CADM1: variants seen among roughly 807,000 people sequenced by gnomAD.
CADM1 encodes the protein cell adhesion molecule 1.
A neutral mutation model predicts 53.1 loss-of-function variants in CADM1; 15 were observed. That is an observed-to-expected ratio of 0.28 (90% CI 0.19 to 0.44). The LOEUF (loss-of-function observed/expected upper bound fraction) is 0.44, where lower values mean the gene tolerates loss of function less well. Ranked by LOEUF, CADM1 falls within the 20% of genes least tolerant of loss-of-function variation. CADM1 has a pLI of 1.00. For synonymous variants in CADM1, 281 were observed against 243.0 expected (o/e 1.16, Z -1.45); for missense variants, 434 against 611.3 (o/e 0.71, Z 3.06).
At chr11:115,483,580 A>G (rs553629483) in intron 1 of CADM1, among the ~76,000 whole-genome samples, 11 of 152,322 alleles carry the variant, frequency 7.2e-5, no homozygotes, top group African/African-American at 2.2e-4. Context: ...AAAAATTCAC[A>G]AGCCCACAAT....
chr11:115,427,745 A>G (rs1947927589), intron 1 of CADM1, among the ~76,000 whole-genome samples: 1 of 152,136 alleles, frequency 6.6e-6, no homozygotes, highest in East Asian at 1.9e-4. Flanking sequence ...ACGGTGGCTC[A>G]CGCCTGTAAT....
intron 1 of CADM1, among the ~76,000 whole-genome samples, chr11:115,342,759 G>C (rs1160910784): frequency 1.3e-5 from 2 of 151,836 alleles, no homozygotes; most frequent in Non-Finnish European, 2.9e-5. Context: ...ACCACAGTTA[G>C]TTTCATTTCT....
chr11:115,183,335 T>G (rs1185926448), intron 10 of CADM1, among the ~76,000 whole-genome samples: 2 of 152,226 alleles, frequency 1.3e-5, no homozygotes, highest in Admixed American at 6.5e-5. Flanking sequence ...TATGGCTACT[T>G]TACCACCTGG....
chr11:115,186,723 G>A (rs1939572742), intron 10 of CADM1, among the ~76,000 whole-genome samples: 1 of 152,070 alleles, frequency 6.6e-6, no homozygotes, highest in Non-Finnish European at 1.5e-5. Context: ...CATCTATCTG[G>A]GTCTTCCTGT....
At chr11:115,274,378 T>C (rs536438731) in intron 1 of CADM1, among the ~76,000 whole-genome samples, 12 of 152,244 alleles carry the variant, frequency 7.9e-5, no homozygotes, top group African/African-American at 2.7e-4. Flanking sequence ...CATTTCACTA[T>C]CCCCATCAAT....
chr11:115,273,152 A>C (rs1189436897), intron 1 of CADM1, among the ~76,000 whole-genome samples: 2 of 152,196 alleles, frequency 1.3e-5, no homozygotes, highest in African/African-American at 4.8e-5. Context: ...TGACATGAAG[A>C]CTAAGAATAA....
At chr11:115,445,865 A>C (rs1378487800) in intron 1 of CADM1, 39 of 405,296 alleles carry the variant, frequency 9.6e-5, no homozygotes, top group Non-Finnish European at 1.7e-4. Context: ...CGAGAGAGAG[A>C]GGTAATACAA....
At chr11:115,354,564 A>T (rs1333916327) in intron 1 of CADM1, among the ~76,000 whole-genome samples, 1 of 152,192 alleles carries the variant, frequency 6.6e-6, no homozygotes, top group Non-Finnish European at 1.5e-5. Context: ...CCCTGATGGG[A>T]GCATTGGAGA....
chr11:115,300,363 G>T (rs1944187420), intron 1 of CADM1, among the ~76,000 whole-genome samples: 1 of 152,100 alleles, frequency 6.6e-6, no homozygotes, highest in Non-Finnish European at 1.5e-5. Context: ...TTTAAAAACA[G>T]ATCCCATCAT....
chr11:115,355,630 AAG>A (rs974282488), intron 1 of CADM1, among the ~76,000 whole-genome samples: 4 of 152,220 alleles, frequency 2.6e-5, no homozygotes, highest in South Asian at 2.1e-4. Context: ...AGGTATAAAA[AAG>A]AGAGAGAGAT....
chr11:115,244,936 C>T (rs1565321360), intron 1 of CADM1, among the ~76,000 whole-genome samples: 1 of 152,234 alleles, frequency 6.6e-6, no homozygotes, highest in East Asian at 1.9e-4. Flanking sequence ...TGCATGGCGG[C>T]CTTTTGCCAG....
intron 1 of CADM1, among the ~76,000 whole-genome samples, chr11:115,276,662 A>G (rs1943454341): frequency 6.6e-6 from 1 of 152,228 alleles, no homozygotes; most frequent in African/African-American, 2.4e-5. Flanking sequence ...GTCTTATACA[A>G]TTAAGTTTCC....
intron 1 of CADM1, among the ~76,000 whole-genome samples, chr11:115,386,693 T>C (rs1946706695): frequency 9.6e-6 from 1 of 104,292 alleles, no homozygotes; most frequent in Admixed American, 1.1e-4. Flanking sequence ...ATGAATAGAT[T>C]AATCAATTCA....
chr11:115,218,252 T>G, intron 5 of CADM1: 1 of 453,236 alleles, frequency 2.2e-6, no homozygotes, highest in Non-Finnish European at 4.1e-6. Flanking sequence ...AAATACATTT[T>G]GTTACACTGA....
At chr11:115,413,606 C>A (rs1947511387) in intron 1 of CADM1, among the ~76,000 whole-genome samples, 2 of 146,050 alleles carry the variant, frequency 1.4e-5, no homozygotes, top group Admixed American at 1.4e-4. Context: ...AGGGTGAAGA[C>A]AGGACAAAAT....
At chr11:115,286,885 AGT>A (rs1943742923) in intron 1 of CADM1, among the ~76,000 whole-genome samples, 1 of 152,354 alleles carries the variant, frequency 6.6e-6, no homozygotes, top group African/African-American at 2.4e-5. Context: ...ACAGAAGGAA[AGT>A]GCATTTCAAG....
chr11:115,336,766 G>A (rs898562786), intron 1 of CADM1, among the ~76,000 whole-genome samples: 20 of 152,044 alleles, frequency 1.3e-4, no homozygotes, highest in African/African-American at 4.6e-4. Context: ...AAATAAGTAT[G>A]AGTGTTTTTC....
intron 1 of CADM1, among the ~76,000 whole-genome samples, chr11:115,491,675 A>G (rs1225506141): frequency 6.6e-6 from 1 of 152,238 alleles, no homozygotes; most frequent in Non-Finnish European, 1.5e-5. Flanking sequence ...AACCAACCCA[A>G]ACTTGGAATA....
At chr11:115,309,953 CTGT>C (rs755290989) in intron 1 of CADM1, among the ~76,000 whole-genome samples, 4 of 152,116 alleles carry the variant, frequency 2.6e-5, no homozygotes, top group Non-Finnish European at 4.4e-5. Flanking sequence ...GCTGGGTTTA[CTGT>C]TGTTCTTTAG....
Sources: allele counts gnomAD v4.1 joint callset (sites outside exome capture counted in the v4.1 genomes callset), GRCh38; gene constraint gnomAD v4.1.1; transcripts MANE v1.5; gene names NCBI Gene and HGNC (gene_info 2026-07-23, HGNC 2026-07-21).